Variants in ADCY2 observed in about 807,000 individuals in gnomAD.
The protein encoded by ADCY2 is adenylate cyclase 2, also known as adenylate cyclase type 2.
A neutral mutation model predicts 125.2 loss-of-function variants in ADCY2; 31 were observed. That is an observed-to-expected ratio of 0.25 (90% CI 0.19 to 0.33). The LOEUF is 0.33. Ranked by LOEUF, ADCY2 falls within the 10% of genes least tolerant of loss-of-function variation. The pLI is 1.00. For synonymous variants in ADCY2, 512 were observed against 548.4 expected (o/e 0.93, Z 0.93); for missense variants, 904 against 1,418.2 (o/e 0.64, Z 5.82).
chr5:7,638,667 T>C (rs1435120547), intron 4 of ADCY2, among the ~76,000 whole-genome samples: 1 of 152,216 alleles, frequency 6.6e-6, no homozygotes, highest in Non-Finnish European at 1.5e-5. Context: ...AGCAGCCATT[T>C]CAGCAGCCAC....
chr5:7,800,952 C>A (rs2126520209), intron 20 of ADCY2: 1 of 152,248 alleles, frequency 6.6e-6, no homozygotes, highest in East Asian at 1.9e-4. Flanking sequence ...ATATTGAGCA[C>A]AAAATAGAAA....
chr5:7,660,432 G>A (rs778971473), intron 4 of ADCY2, among the ~76,000 whole-genome samples: 1 of 152,170 alleles, frequency 6.6e-6, no homozygotes, highest in Non-Finnish European at 1.5e-5. Flanking sequence ...GATTAGTGGG[G>A]CAGTCAGGGT....
chr5:7,419,423 C>T (rs1740101105), intron 2 of ADCY2, among the ~76,000 whole-genome samples: 1 of 152,194 alleles, frequency 6.6e-6, no homozygotes. Context: ...TGCTCTCCTA[C>T]AACCACATGT....
At chr5:7,723,122 A>G (rs1007525943) in intron 12 of ADCY2, among the ~76,000 whole-genome samples, 1 of 151,934 alleles carries the variant, frequency 6.6e-6, no homozygotes, top group Non-Finnish European at 1.5e-5. Flanking sequence ...ATAGAGGACA[A>G]TGACACACGC....
chr5:7,741,349 C>A (rs1181790038), intron 14 of ADCY2, among the ~76,000 whole-genome samples: 1 of 152,124 alleles, frequency 6.6e-6, no homozygotes, highest in Non-Finnish European at 1.5e-5. Flanking sequence ...AGTTCCTCAA[C>A]TTCCCTGTGT....
intron 3 of ADCY2, among the ~76,000 whole-genome samples, chr5:7,538,137 C>G (rs560850415): frequency 2.0e-5 from 3 of 152,332 alleles, no homozygotes; most frequent in East Asian, 3.9e-4. Context: ...ATAGCAGATA[C>G]TGCTTACTGG....
At chr5:7,568,471 T>G (rs981289137) in intron 3 of ADCY2, among the ~76,000 whole-genome samples, 14 of 152,138 alleles carry the variant, frequency 9.2e-5, no homozygotes, top group Admixed American at 8.5e-4. Context: ...TCATGGAAAT[T>G]TTGTTGTATG....
chr5:7,467,504 T>C (rs1400931250), intron 2 of ADCY2, among the ~76,000 whole-genome samples: 1 of 152,212 alleles, frequency 6.6e-6, no homozygotes, highest in East Asian at 1.9e-4. Context: ...TTGTGCTAAC[T>C]GGCCTTCAGA....
chr5:7,573,444 T>G (rs1005066967), intron 3 of ADCY2, among the ~76,000 whole-genome samples: 1 of 152,070 alleles, frequency 6.6e-6, no homozygotes, highest in African/African-American at 2.4e-5. Flanking sequence ...GAGGCATGGA[T>G]GCATGGTTCT....
chr5:7,815,255 G>C (rs761188834), intron 22 of ADCY2, among the ~76,000 whole-genome samples: 3 of 152,192 alleles, frequency 2.0e-5, no homozygotes, highest in Non-Finnish European at 4.4e-5. Context: ...TGGAGACACA[G>C]ATTAATAGAG....
At chr5:7,435,503 C>T (rs79553831) in intron 2 of ADCY2, among the ~76,000 whole-genome samples, 2,214 of 152,284 alleles carry the variant, frequency 0.015, 56 homozygotes, top group African/African-American at 0.051. Context: ...TCAGGGCATA[C>T]AACAGCTCAT....
intron 3 of ADCY2, among the ~76,000 whole-genome samples, chr5:7,521,166 ATGG>A (rs1442593361): frequency 6.6e-6 from 1 of 152,208 alleles, no homozygotes; most frequent in African/African-American, 2.4e-5. Context: ...TGATTGCTGA[ATGG>A]TGGTATGATT....
chr5:7,776,857 T>G (rs886069511), intron 18 of ADCY2, among the ~76,000 whole-genome samples: 2 of 152,138 alleles, frequency 1.3e-5, no homozygotes, highest in African/African-American at 4.8e-5. Flanking sequence ...TTCTTTGGCC[T>G]TTGGACTCCA....
intron 3 of ADCY2, among the ~76,000 whole-genome samples, chr5:7,603,248 C>A (rs193085531): frequency 1.2e-3 from 182 of 152,242 alleles, no homozygotes; most frequent in African/African-American, 4.0e-3. Context: ...TGTGGATGTT[C>A]AGCGTCTGTA....
At chr5:7,787,373 A>G (rs1483796436) in intron 19 of ADCY2, among the ~76,000 whole-genome samples, 1 of 152,178 alleles carries the variant, frequency 6.6e-6, no homozygotes, top group Non-Finnish European at 1.5e-5. Context: ...TTTAGGGCCA[A>G]CCCTAGATCC....
intron 12 of ADCY2, among the ~76,000 whole-genome samples, chr5:7,723,024 C>G (rs1240450461): frequency 1.3e-5 from 2 of 148,216 alleles, no homozygotes; most frequent in South Asian, 2.1e-4. Context: ...AGCTGGAGGC[C>G]ATTATCCTCA....
chr5:7,690,217 C>A (rs1027151441), intron 4 of ADCY2, among the ~76,000 whole-genome samples: 3 of 152,094 alleles, frequency 2.0e-5, no homozygotes, highest in Non-Finnish European at 2.9e-5. Flanking sequence ...GAAACGAAAT[C>A]TTTGGAAGTA....
chr5:7,640,207 T>C (rs1738649274), intron 4 of ADCY2, among the ~76,000 whole-genome samples: 1 of 152,184 alleles, frequency 6.6e-6, no homozygotes, highest in African/African-American at 2.4e-5. Context: ...CTGGTGAATT[T>C]TATTAACGAG....
chr5:7,654,157 C>A, intron 4 of ADCY2: 1 of 455,544 alleles, frequency 2.2e-6, no homozygotes, highest in South Asian at 1.6e-5. Flanking sequence ...CAGGAAAGGG[C>A]CTTGGGAAGA....
Sources: gnomAD v4.1 joint callset for allele counts (sites outside exome capture counted in the v4.1 genomes callset) on GRCh38, gnomAD v4.1.1 for gene constraint, MANE v1.5 for transcripts, NCBI Gene and HGNC (gene_info 2026-07-23, HGNC 2026-07-21) for gene names.